Variants in DMD observed in about 807,000 individuals in gnomAD.
DMD encodes mutant dystrophin.
Under a neutral mutation model 330.1 loss-of-function variants are expected in DMD, and 63 were observed. The ratio of observed to expected loss-of-function variants is 0.19; its 90% confidence interval spans 0.16 to 0.24. The LOEUF is 0.24. Among genes scored for constraint, DMD ranks in the 10% least tolerant of loss-of-function variants. DMD has a pLI of 1.00. For synonymous variants in DMD, 1,223 were observed against 959.8 expected, an observed-to-expected ratio of 1.27 and a Z score of -5.07; for missense variants, 3,344 against 2,684.1, an observed-to-expected ratio of 1.25 and a Z score of -5.43.
intron 61 of DMD, among the ~76,000 whole-genome samples, chrX:31,337,654 C>T (rs2057480727): frequency 8.9e-6 from 1 of 112,106 alleles, no homozygotes; most frequent in Admixed American, 9.4e-5. Context: ...CAAATGCCTT[C>T]ATTTTCTGGG....
At chrX:31,951,159 G>GTATATATATA (rs747836033) in intron 45 of DMD, among the ~76,000 whole-genome samples, 1,864 of 71,572 alleles carry the variant, frequency 0.026, 53 homozygotes, top group African/African-American at 0.036. Context: ...ATATATATAT[G>GTATATATATA]TATATATATA....
intron 7 of DMD, among the ~76,000 whole-genome samples, chrX:32,807,126 A>T (rs1466752179): frequency 2.3e-4 from 23 of 101,267 alleles, no homozygotes; most frequent in African/African-American, 7.0e-4. Flanking sequence ...AACATTTAAA[A>T]AAAAAAAAAA....
At chrX:33,264,363 T>C in intron 1 of DMD, among the ~76,000 whole-genome samples, 1 of 111,293 alleles carries the variant, frequency 9.0e-6, no homozygotes, top group Non-Finnish European at 1.9e-5. Context: ...GTCATAAGAT[T>C]AGAAAGATGT....
chrX:32,605,829 T>G (rs1000449452), intron 12 of DMD, among the ~76,000 whole-genome samples: 7 of 109,924 alleles, frequency 6.4e-5, no homozygotes, highest in African/African-American at 1.6e-4. Context: ...AAATGCAAAT[T>G]AAAACCACAA....
intron 41 of DMD, among the ~76,000 whole-genome samples, chrX:32,335,640 C>CATAATATGTATATATAACAT (rs1557285538): frequency 4.2e-4 from 26 of 62,457 alleles, no homozygotes; most frequent in South Asian, 8.2e-4. Flanking sequence ...ATAACATATA[C>CATAATATGTATATATAACAT]ATAACATGTT....
At chrX:32,595,675 T>G (rs1483559529) in intron 13 of DMD, 82 bp downstream of exon 13, 1 of 934,290 alleles carries the variant, frequency 1.1e-6, no homozygotes, top group African/African-American at 2.0e-5. Flanking sequence ...ATATATAAAT[T>G]GCATTCTAAA....
chrX:33,309,267 C>T (rs2053813114), intron 1 of DMD, among the ~76,000 whole-genome samples: 1 of 111,423 alleles, frequency 9.0e-6, no homozygotes. Flanking sequence ...TAACTTTGGT[C>T]TGCTCTAGCG....
chrX:31,355,106 A>G (rs2058606638), intron 60 of DMD, among the ~76,000 whole-genome samples: 1 of 112,619 alleles, frequency 8.9e-6, no homozygotes, highest in African/African-American at 3.2e-5. Flanking sequence ...AGAAAGAAAA[A>G]GGACCGATAA....
Position 32,468,639 on chromosome X carries a change from C to G in DMD, c.3021G>C (p.Ser1007=). 1.7e-6 allele frequency: 2 copies of G among 1,211,167 alleles called. No individual in the cohort carries two copies. Among genetic ancestry groups the G allele is most frequent in the Admixed American group, 2.2e-5 (1 of 45,879 alleles). The change falls in exon 23 of 79, where the codon TCG becomes TCC. Residue 1007 remains serine (S), a synonymous_variant. Coordinates refer to ENST00000357033, the MANE Select transcript of DMD (RefSeq NM_004006.3). ...YYLSTTVKEM[S]KKAPSEISRK... is the part of the protein sequence containing the mutation. ...GGCTAATTTCAGAGGGCGCTTTCTT[C>G]GACATCTCTTTCACAGTGGTGCTGA...
At chrX:31,981,222 T>G in intron 44 of DMD, among the ~76,000 whole-genome samples, 1 of 111,558 alleles carries the variant, frequency 9.0e-6, no homozygotes, top group Non-Finnish European at 1.9e-5. Context: ...CACGTGTGTA[T>G]GTGGGGGTGT....
At chrX:32,304,364 G>A (rs1347661270) in intron 42 of DMD, among the ~76,000 whole-genome samples, 1 of 111,072 alleles carries the variant, frequency 9.0e-6, no homozygotes, top group East Asian at 2.8e-4. Context: ...GTACATTTTA[G>A]CAGAGTTGGG....
intron 11 of DMD, among the ~76,000 whole-genome samples, chrX:32,621,170 G>C (rs5972625): frequency 0.089 from 9,957 of 111,281 alleles, 1,079 homozygotes; most frequent in African/African-American, 0.31. Flanking sequence ...CTGGACAACT[G>C]TGAAGACTGA....
At chrX:33,253,632 G>T (rs1399390692) in intron 1 of DMD, among the ~76,000 whole-genome samples, 1 of 111,246 alleles carries the variant, frequency 9.0e-6, no homozygotes, top group Non-Finnish European at 1.9e-5. Flanking sequence ...GAGCAAGTAT[G>T]CTTGGCAAAA....
rs112702322 is a variant in DMD at position 32,881,193 on chromosome X, A to T, written c.94-31373T>A. ...AGAGCCTATTGGACACTAAGTATTT[A>T]TCAAATTCTTTCTCTTTGAAGCTAG... On this transcript the variant is annotated intron_variant, in intron 2 of 78. Transcript: ENST00000357033. 4.4e-3 allele frequency among the ~76,000 whole-genome samples: 491 copies of T among 112,553 alleles called. 8 individuals are homozygous for T. In the East Asian group the frequency reaches 0.064, roughly 15 times the overall value.
chrX:32,533,144 C>A (rs1364495420), intron 17 of DMD, among the ~76,000 whole-genome samples: 1 of 111,056 alleles, frequency 9.0e-6, no homozygotes, highest in Non-Finnish European at 1.9e-5. Context: ...GGTAAGATGG[C>A]CTCTCTCTCC....
At chrX:32,463,665 G>C in intron 24 of DMD, 71 bp from the exon 25 acceptor site, 2 of 953,208 alleles carry the variant, frequency 2.1e-6, no homozygotes, top group Non-Finnish European at 2.8e-6. Context: ...AACATAGCTA[G>C]AAAATGTAAA....
chrX:31,232,140 G>C (rs763465096), intron 63 of DMD, among the ~76,000 whole-genome samples: 5 of 86,706 alleles, frequency 5.8e-5, no homozygotes, highest in African/African-American at 2.1e-4. Context: ...GGGGCTTTAA[G>C]AATCCTTAGA....
At chrX:31,374,729 G>A (rs1358086868) in intron 60 of DMD, among the ~76,000 whole-genome samples, 3 of 103,211 alleles carry the variant, frequency 2.9e-5, no homozygotes, top group Admixed American at 1.0e-4. Flanking sequence ...GCTAAATGAC[G>A]AGTTAATGGG....
chrX:32,483,164 T>TATATATATATATATATATATAC lies in DMD; in HGVS notation c.2803+1754_2803+1755insGTATATATATATATATATATAT, dbSNP rs1481445275. Among the ~76,000 whole-genome samples, 607 of 61,529 alleles carry TATATATATATATATATATATAC rather than the reference T, an allele frequency of 9.9e-3. 82 individuals carry two copies. Among genetic ancestry groups the TATATATATATATATATATATAC allele is most frequent in the East Asian group, 0.015 (21 of 1,406 alleles). The allele number at this position is 61,529 out of a possible 115,157, so 53.4% of individuals were successfully genotyped here. A position where few individuals can be genotyped will look rare whatever the true frequency, so the allele number is the denominator to read the frequency against. On this transcript the variant is annotated intron_variant, in intron 21 of 78. Transcript: ENST00000357033. ...TTCATTCCATATATATATATATATA[T>TATATATATATATATATATATAC]ACACCATATTTAATTAAAGGGTTAT... is the stretch of plus-strand genomic sequence containing the variant.
Sources: gnomAD v4.1 joint callset for allele counts (sites outside exome capture counted in the v4.1 genomes callset) on GRCh38, gnomAD v4.1.1 for gene constraint, MANE v1.5 for transcripts, NCBI Gene and HGNC (gene_info 2026-07-23, HGNC 2026-07-21) for gene names.